The following ADGRL3 variants were observed in gnomAD, a reference collection of about 807,000 sequenced individuals.
The protein encoded by ADGRL3 is adhesion G protein-coupled receptor L3.
A neutral mutation model predicts 153.5 loss-of-function variants in ADGRL3; 62 were observed. That is an observed-to-expected ratio of 0.40 (90% CI 0.33 to 0.50). The LOEUF (loss-of-function observed/expected upper bound fraction) is 0.50. ADGRL3 is among the 20% of genes least tolerant of loss of function. ADGRL3 has a pLI of 0.47. For synonymous variants in ADGRL3, 710 were observed against 672.5 expected (o/e 1.06, Z -0.86); for missense variants, 1,641 against 1,859.4 (o/e 0.88, Z 2.16).
intron 4 of ADGRL3, among the ~76,000 whole-genome samples, chr4:61,552,277 A>G (rs952388882): frequency 9.9e-5 from 15 of 152,140 alleles, no homozygotes; most frequent in African/African-American, 1.9e-4. Context: ...TTTTTAATCT[A>G]TAGTTCAGGT....
intron 1 of ADGRL3, among the ~76,000 whole-genome samples, chr4:61,221,751 A>G (rs1745666881): frequency 6.6e-6 from 1 of 152,148 alleles, no homozygotes; most frequent in Non-Finnish European, 1.5e-5. Context: ...AACATATTCA[A>G]AAAACTTATT....
intron 2 of ADGRL3, among the ~76,000 whole-genome samples, chr4:61,445,518 A>G (rs533161755): frequency 2.0e-4 from 30 of 152,336 alleles, no homozygotes; most frequent in African/African-American, 7.2e-4. Context: ...CTTGAGAGAG[A>G]TAGTGTTGAC....
At chr4:61,976,377 A>G (rs1470471414) in intron 17 of ADGRL3, among the ~76,000 whole-genome samples, 1 of 152,178 alleles carries the variant, frequency 6.6e-6, no homozygotes, top group Non-Finnish European at 1.5e-5. Context: ...TTAATTATAA[A>G]CAAGGCTTTT....
At chr4:61,808,052 T>C (rs1018886879) in intron 8 of ADGRL3, among the ~76,000 whole-genome samples, 1 of 152,190 alleles carries the variant, frequency 6.6e-6, no homozygotes, top group Non-Finnish European at 1.5e-5. Context: ...TTCACTGGAC[T>C]ATGACATGCT....
intron 5 of ADGRL3, among the ~76,000 whole-genome samples, chr4:61,637,116 T>C (rs897825260): frequency 3.9e-5 from 6 of 152,166 alleles, no homozygotes; most frequent in African/African-American, 1.4e-4. Context: ...GTGCATATGT[T>C]CAACTTCTAA....
At chr4:62,018,486 A>G (rs995238609) in intron 21 of ADGRL3, among the ~76,000 whole-genome samples, 2 of 152,148 alleles carry the variant, frequency 1.3e-5, no homozygotes, top group East Asian at 1.9e-4. Flanking sequence ...GGTGATTGCA[A>G]TCACTCAATT....
At chr4:61,487,627 A>G (rs1369161337) in intron 2 of ADGRL3, among the ~76,000 whole-genome samples, 2 of 152,126 alleles carry the variant, frequency 1.3e-5, no homozygotes, top group African/African-American at 4.8e-5. Flanking sequence ...ACTTGGAATC[A>G]TAAAAATCAA....
rs556291200 is a variant in ADGRL3 at position 61,743,058 on chromosome 4, T to C, written c.1399+9504T>C. The stretch of plus-strand genomic sequence containing the variant: ...AATTCTGGCTGGGCTCGGTGGCTCA[T>C]GCCTGTAATTCCAGCACTTTGGGAA... On this transcript the variant is annotated intron_variant, in intron 8 of 26. Transcript: ENST00000683033. Among the ~76,000 whole-genome samples, 659 of 151,924 alleles carry C rather than the reference T, an allele frequency of 4.3e-3. 4 individuals carry two copies. Among genetic ancestry groups the C allele is most frequent in the Non-Finnish European group, 6.7e-3 (452 of 67,938 alleles).
At chr4:61,653,166 TCTCTCACA>T (rs36226194) in intron 5 of ADGRL3, among the ~76,000 whole-genome samples, 46,656 of 133,268 alleles carry the variant, frequency 0.35, 8,636 homozygotes, top group Non-Finnish European at 0.46. Flanking sequence ...TCTCTCTCTC[TCTCTCACA>T]CACACACACA....
intron 2 of ADGRL3, among the ~76,000 whole-genome samples, chr4:61,472,066 C>T (rs1210077709): frequency 6.6e-6 from 1 of 151,990 alleles, no homozygotes; most frequent in Non-Finnish European, 1.5e-5. Context: ...TCAGTACTTT[C>T]AACATATCCT....
chr4:61,919,904 A>G (rs906195931), intron 13 of ADGRL3, among the ~76,000 whole-genome samples: 1 of 152,210 alleles, frequency 6.6e-6, no homozygotes, highest in Non-Finnish European at 1.5e-5. Flanking sequence ...TGCTGTTTGT[A>G]TATACATGGT....
chr4:61,734,625 C>T (rs574622038), intron 8 of ADGRL3, among the ~76,000 whole-genome samples: 3 of 152,254 alleles, frequency 2.0e-5, no homozygotes, highest in East Asian at 3.9e-4. Context: ...AGGTCCTGCC[C>T]TCCACATGTG....
At chr4:61,677,916 T>A (rs2095246367) in intron 6 of ADGRL3, among the ~76,000 whole-genome samples, 1 of 151,934 alleles carries the variant, frequency 6.6e-6, no homozygotes, top group South Asian at 2.1e-4. Flanking sequence ...AAGAGAAGAA[T>A]TGAAATTTTA....
chr4:61,792,793 C>T (rs962467282), intron 8 of ADGRL3, among the ~76,000 whole-genome samples: 1 of 151,936 alleles, frequency 6.6e-6, no homozygotes, highest in Non-Finnish European at 1.5e-5. Context: ...TGGCCACTTT[C>T]CCACATTTTT....
intron 21 of ADGRL3, among the ~76,000 whole-genome samples, chr4:61,999,342 G>A (rs2151076949): frequency 6.6e-6 from 1 of 152,062 alleles, no homozygotes; most frequent in Middle Eastern, 3.4e-3. Context: ...CTTTACACAG[G>A]CAAAAAAAGT....
At chr4:61,319,294 A>G (rs2150718815) in intron 1 of ADGRL3, among the ~76,000 whole-genome samples, 1 of 152,296 alleles carries the variant, frequency 6.6e-6, no homozygotes, top group South Asian at 2.1e-4. Context: ...CCCTACAACC[A>G]CTTCAAATAA....
chr4:61,674,375 T>C (rs2095116099), intron 5 of ADGRL3, among the ~76,000 whole-genome samples: 1 of 151,704 alleles, frequency 6.6e-6, no homozygotes, highest in African/African-American at 2.4e-5. Context: ...ACATTGATTA[T>C]TTAAATAAAA....
chr4:61,772,755 G>A (rs2097101339), intron 8 of ADGRL3, among the ~76,000 whole-genome samples: 1 of 152,074 alleles, frequency 6.6e-6, no homozygotes, highest in African/African-American at 2.4e-5. Context: ...CTTATAAAAT[G>A]CTTCAGGAGA....
intron 19 of ADGRL3, among the ~76,000 whole-genome samples, chr4:61,990,787 A>G (rs73823290): frequency 0.016 from 2,395 of 151,806 alleles, 74 homozygotes; most frequent in African/African-American, 0.055. Context: ...CTGGAGAAAC[A>G]TCTAGTAGCC....
Sources: allele counts gnomAD v4.1 joint callset (sites outside exome capture counted in the v4.1 genomes callset), GRCh38; gene constraint gnomAD v4.1.1; transcripts MANE v1.5; gene names NCBI Gene and HGNC (gene_info 2026-07-23, HGNC 2026-07-21).